Variants in POLR3B observed in about 807,000 individuals in gnomAD.
POLR3B encodes the protein DNA-directed RNA polymerase III subunit RPC2.
A neutral mutation model predicts 147.4 loss-of-function variants in POLR3B; 96 were observed. The observed-to-expected ratio is 0.65, with a 90% CI of 0.55 to 0.77. The LOEUF (loss-of-function observed/expected upper bound fraction) is 0.77, where lower values mean the gene tolerates loss of function less well. Ranked by LOEUF, POLR3B falls within the 30% of genes least tolerant of loss-of-function variation. The pLI is 0.00. For missense variants in POLR3B, 1,036 were observed against 1,413.5 expected (o/e 0.73, Z 4.28); for synonymous variants, 461 against 485.9 (o/e 0.95, Z 0.67).
intron 19 of POLR3B, among the ~76,000 whole-genome samples, chr12:106,448,922 T>A (rs2037761400): frequency 6.6e-6 from 1 of 152,104 alleles, no homozygotes; most frequent in African/African-American, 2.4e-5. Context: ...TCTTTTCTCA[T>A]TTTTTTCCTG....
Position 106,405,978 on chromosome 12 carries a change from T to G in POLR3B, c.966+2T>G. ...TCCACCATTCTGACCCATGTCCCAG[T>G]GAGTAACACTTCGTTATTGTGAATA... On this transcript the variant is annotated splice_donor_variant, in intron 11 of 27. Transcript: ENST00000228347. LOFTEE classifies it high-confidence loss of function. 1 of 1,613,660 alleles carries G rather than the reference T, an allele frequency of 6.2e-7. No individual in the cohort carries two copies. The highest frequency in any genetic ancestry group is 8.5e-7 in the Non-Finnish European group (1 of 1,179,666).
intron 23 of POLR3B, among the ~76,000 whole-genome samples, chr12:106,465,705 A>G (rs552495221): frequency 1.3e-5 from 2 of 152,298 alleles, no homozygotes; most frequent in African/African-American, 4.8e-5. Context: ...GAGTGAGAAC[A>G]TGCAGTGTTT....
chr12:106,358,066 G>C, intron 1 of POLR3B, 115 bp downstream of exon 1: 2 of 1,547,332 alleles, frequency 1.3e-6, no homozygotes, highest in Non-Finnish European at 1.7e-6. Context: ...CATGCGCCGG[G>C]CTTCTGCGCA....
At chr12:106,380,813 T>C (rs1049629382) in intron 9 of POLR3B, among the ~76,000 whole-genome samples, 11 of 152,280 alleles carry the variant, frequency 7.2e-5, no homozygotes, top group South Asian at 2.1e-4. Context: ...ACATTTTCCA[T>C]AGAAACAATA....
At chr12:106,369,246 A>T in intron 4 of POLR3B, 29 bp from the exon 5 acceptor site, 1 of 1,198,790 alleles carries the variant, frequency 8.3e-7, no homozygotes. Flanking sequence ...GAAGAAGTAT[A>T]ATTCATACCG....
At chr12:106,359,357 A>G (rs1458581884) in intron 1 of POLR3B, among the ~76,000 whole-genome samples, 16 of 119,340 alleles carry the variant, frequency 1.3e-4, no homozygotes, top group African/African-American at 4.9e-4. Context: ...TTTGAGACGG[A>G]GTCTAGCTCT....
At chr12:106,372,976 A>G (rs531811068) in intron 6 of POLR3B, among the ~76,000 whole-genome samples, 1 of 152,270 alleles carries the variant, frequency 6.6e-6, no homozygotes, top group East Asian at 1.9e-4. Flanking sequence ...AGATTTCCCA[A>G]TTGGTGCTTT....
At chr12:106,484,253 G>C (rs569709153) in intron 23 of POLR3B, among the ~76,000 whole-genome samples, 1 of 152,186 alleles carries the variant, frequency 6.6e-6, no homozygotes, top group African/African-American at 2.4e-5. Context: ...TTTTAATCCG[G>C]TAAACGATGG....
At chr12:106,402,875 A>T (rs552414103) in intron 10 of POLR3B, among the ~76,000 whole-genome samples, 2 of 152,178 alleles carry the variant, frequency 1.3e-5, no homozygotes, top group Admixed American at 6.6e-5. Flanking sequence ...AACCTAGGCA[A>T]TACCATTCAG....
Position 106,496,099 on chromosome 12 carries a change from G to A in POLR3B, c.2758G>A (p.Asp920Asn). 1 of 1,613,268 alleles carries A rather than the reference G, an allele frequency of 6.2e-7. No homozygotes were observed. Among genetic ancestry groups the A allele is most frequent in the Non-Finnish European group, 8.5e-7 (1 of 1,179,206 alleles). The change falls in exon 24 of 28, where the codon GAT becomes AAT. Residue 920 changes from aspartate to asparagine, a missense_variant. By Grantham distance (23) the Asp-to-Asn change is conservative (BLOSUM62 1). Around this residue, in one of 12 missense-constraint regions of POLR3B, gnomAD observed 15 missense variants for 38.1 expected, o/e 0.39. Transcript: ENST00000228347. ...CCCCCAGGAAGACATGCCATTTTGTGATTCTGGCATCTGTCCGGACATCAT... is the reference window on the plus strand; with the variant it reads ...CCCCCAGGAAGACATGCCATTTTGTAATTCTGGCATCTGTCCGGACATCAT... The part of the protein sequence containing the change: ...IVPQEDMPFC[D>N]SGICPDIIMN...
intron 23 of POLR3B, among the ~76,000 whole-genome samples, chr12:106,471,389 G>A (rs1422912429): frequency 1.3e-5 from 2 of 152,144 alleles, no homozygotes; most frequent in Admixed American, 1.3e-4. Flanking sequence ...CCTTGGCTAG[G>A]AAAGGGAAAT....
chr12:106,400,202 G>GACTTT (rs749087910), intron 10 of POLR3B, among the ~76,000 whole-genome samples: 21 of 152,252 alleles, frequency 1.4e-4, no homozygotes, highest in Admixed American at 2.6e-4. Flanking sequence ...TGATAAAACA[G>GACTTT]ACTTTAAACC....
intron 10 of POLR3B, among the ~76,000 whole-genome samples, chr12:106,396,058 T>G (rs1464524305): frequency 1.3e-5 from 2 of 152,182 alleles, no homozygotes; most frequent in Non-Finnish European, 2.9e-5. Flanking sequence ...ACACCATCAT[T>G]GTCTTGGGCT....
intron 2 of POLR3B, among the ~76,000 whole-genome samples, chr12:106,365,728 G>A (rs1411347926): frequency 3.3e-5 from 5 of 151,858 alleles, no homozygotes; most frequent in Admixed American, 1.3e-4. Context: ...GCATGGTGGC[G>A]GGCACCTGTA....
At chr12:106,417,292 A>G (rs1417909894) in intron 12 of POLR3B, among the ~76,000 whole-genome samples, 1 of 152,188 alleles carries the variant, frequency 6.6e-6, no homozygotes, top group African/African-American at 2.4e-5. Context: ...TAGGGACTGG[A>G]GGAACTGATA....
intron 1 of POLR3B, among the ~76,000 whole-genome samples, chr12:106,361,910 C>T (rs2036475028): frequency 6.6e-6 from 1 of 152,156 alleles, no homozygotes; most frequent in Non-Finnish European, 1.5e-5. Flanking sequence ...GAGGGGGCAT[C>T]AAGGGAGGTC....
intron 12 of POLR3B, among the ~76,000 whole-genome samples, chr12:106,426,058 A>G (rs1239856392): frequency 3.3e-5 from 5 of 152,002 alleles, no homozygotes; most frequent in African/African-American, 9.7e-5. Context: ...TATTATTTGT[A>G]TGGTTTCCAG....
At chr12:106,368,545 T>A (rs536850939) in intron 4 of POLR3B, among the ~76,000 whole-genome samples, 159 of 152,200 alleles carry the variant, frequency 1.0e-3, no homozygotes, top group Non-Finnish European at 1.6e-3. Flanking sequence ...TAAAAAAAAA[T>A]TTTTCAATCC....
chr12:106,489,753 GTAA>G (rs776806802), intron 23 of POLR3B, among the ~76,000 whole-genome samples: 19 of 152,186 alleles, frequency 1.2e-4, no homozygotes, highest in Non-Finnish European at 2.2e-4. Flanking sequence ...CTGATTTAAA[GTAA>G]TAATAATAAC....
Sources: gnomAD v4.1 joint callset for allele counts (sites outside exome capture counted in the v4.1 genomes callset) on GRCh38, gnomAD v4.1.1 for gene constraint, gnomAD v4.1.1 regional missense constraint, MANE v1.5 for transcripts, NCBI Gene and HGNC (gene_info 2026-07-23, HGNC 2026-07-21) for gene names.